Variants in KATNAL1 observed in about 807,000 individuals in gnomAD.
KATNAL1 encodes katanin catalytic subunit A1 like 1.
A neutral mutation model predicts 55.2 loss-of-function variants in KATNAL1; 32 were observed. That is an observed-to-expected ratio of 0.58 (90% confidence interval 0.44 to 0.78). KATNAL1 has a LOEUF of 0.78. KATNAL1 is among the 30% of genes least tolerant of loss of function. KATNAL1 has a pLI of 0.00. For synonymous variants in KATNAL1, 193 were observed against 193.6 expected (o/e 1.00, Z 0.02); for missense variants, 466 against 600.9 (o/e 0.78, Z 2.35).
intron 4 of KATNAL1, among the ~76,000 whole-genome samples, chr13:30,254,264 TG>T (rs1412829069): frequency 6.6e-6 from 1 of 152,228 alleles, no homozygotes; most frequent in Non-Finnish European, 1.5e-5. Flanking sequence ...TCCATTTATG[TG>T]GCTTTTGATA....
At chr13:30,291,095 G>T (rs1282302501) in intron 1 of KATNAL1, among the ~76,000 whole-genome samples, 1 of 152,136 alleles carries the variant, frequency 6.6e-6, no homozygotes, top group East Asian at 1.9e-4. Context: ...GTTCTAACCA[G>T]TGCAATAAGG....
chr13:30,284,848 C>T (rs1464924800), intron 1 of KATNAL1, among the ~76,000 whole-genome samples: 1 of 152,152 alleles, frequency 6.6e-6, no homozygotes, highest in Non-Finnish European at 1.5e-5. Flanking sequence ...TAGAATCATC[C>T]AAGGCTTCTA....
intron 4 of KATNAL1, among the ~76,000 whole-genome samples, chr13:30,250,931 G>T (rs1878236130): frequency 6.6e-6 from 1 of 152,174 alleles, no homozygotes; most frequent in African/African-American, 2.4e-5. Context: ...GAGGTCAGGA[G>T]ATCGAGACCA....
chr13:30,250,519 G>A (rs999912994), intron 4 of KATNAL1, among the ~76,000 whole-genome samples: 18 of 152,088 alleles, frequency 1.2e-4, no homozygotes, highest in African/African-American at 4.1e-4. Context: ...CTTTTCTTCA[G>A]TAGAAATATT....
chr13:30,215,438 G>C (rs1395260762), intron 9 of KATNAL1, among the ~76,000 whole-genome samples: 1 of 152,110 alleles, frequency 6.6e-6, no homozygotes, highest in Non-Finnish European at 1.5e-5. Context: ...TATACCCAAA[G>C]GACTATAAAT....
At chr13:30,216,891 T>C (rs1282398306) in intron 9 of KATNAL1, among the ~76,000 whole-genome samples, 1 of 152,190 alleles carries the variant, frequency 6.6e-6, no homozygotes, top group Admixed American at 6.5e-5. Flanking sequence ...TATGTGTAAA[T>C]CAAACGTTTC....
chr13:30,243,695 T>C (rs989573767), intron 4 of KATNAL1, among the ~76,000 whole-genome samples: 7 of 142,622 alleles, frequency 4.9e-5, no homozygotes, highest in African/African-American at 1.9e-4. Flanking sequence ...TTTCTAACAA[T>C]AGATTCTGTC....
At chr13:30,233,603 A>C (rs951872763) in intron 6 of KATNAL1, among the ~76,000 whole-genome samples, 2 of 151,198 alleles carry the variant, frequency 1.3e-5, no homozygotes, top group African/African-American at 4.9e-5. Flanking sequence ...ATATACAAAA[A>C]AAAAAAAAGA....
intron 3 of KATNAL1, among the ~76,000 whole-genome samples, chr13:30,267,649 AAAAT>A (rs1440399686): frequency 6.6e-6 from 1 of 152,266 alleles, no homozygotes; most frequent in Non-Finnish European, 1.5e-5. Context: ...AGTGACAACA[AAAAT>A]AAATAAGCTG....
In KATNAL1 at chr13:30,205,795, G is replaced by A. The variant is rs114243171; in HGVS notation, c.*2745C>T. 6.5e-3 allele frequency: 861 copies of A among 132,668 alleles called. 11 individuals are homozygous for A. Among genetic ancestry groups the A allele is most frequent in the African/African-American group, 0.026 (819 of 30,914 alleles). 8.2% of individuals were successfully genotyped at this position (132,668 alleles called of 1,614,324 possible). ...GTGTGTGTGTGTGTGTGTGTCTCAC[G>A]CCTATAAGGCAACACACTGTCTTCT... is the stretch of plus-strand genomic sequence containing the variant. On this transcript the variant is annotated 3_prime_UTR_variant, in exon 11 of 11. Coordinates refer to ENST00000380615, the MANE Select transcript of KATNAL1 (RefSeq NM_032116.5).
At chr13:30,218,073 C>A (rs1045637681) in intron 9 of KATNAL1, among the ~76,000 whole-genome samples, 4 of 151,822 alleles carry the variant, frequency 2.6e-5, no homozygotes, top group African/African-American at 9.7e-5. Flanking sequence ...CCACAGATAA[C>A]AACACAGAAG....
chr13:30,302,505 A>G (rs1882918785), intron 1 of KATNAL1, among the ~76,000 whole-genome samples: 2 of 152,204 alleles, frequency 1.3e-5, no homozygotes, highest in South Asian at 4.1e-4. Flanking sequence ...AATCACCAGG[A>G]AAAATGGAAA....
At chr13:30,268,482 G>C (rs1879956651) in intron 3 of KATNAL1, among the ~76,000 whole-genome samples, 1 of 152,104 alleles carries the variant, frequency 6.6e-6, no homozygotes, top group Admixed American at 6.5e-5. Flanking sequence ...AATTCACAGT[G>C]ACACTGTTTA....
At chr13:30,258,494 G>A (rs149087823) in intron 3 of KATNAL1, among the ~76,000 whole-genome samples, 174 of 152,120 alleles carry the variant, frequency 1.1e-3, no homozygotes, top group African/African-American at 3.8e-3. Flanking sequence ...ACATGTACAG[G>A]TGCAAGTCTG....
chr13:30,244,223 T>C (rs990840537), intron 4 of KATNAL1, among the ~76,000 whole-genome samples: 1 of 152,134 alleles, frequency 6.6e-6, no homozygotes, highest in East Asian at 1.9e-4. Context: ...GAATGATGGT[T>C]TCCAGCTTCA....
intron 3 of KATNAL1, among the ~76,000 whole-genome samples, chr13:30,272,036 G>A (rs995934378): frequency 1.3e-5 from 2 of 152,152 alleles, no homozygotes; most frequent in African/African-American, 4.8e-5. Context: ...AAGTGAGGAA[G>A]TTATTTGGTA....
At position 30,240,584 on chromosome 13, in the gene KATNAL1, C is replaced by T; in HGVS notation, c.621-19G>A. The T allele has an allele frequency of 6.5e-7, 1 of 1,530,776 alleles. No homozygotes were observed. The highest frequency in any genetic ancestry group is 9.0e-7 in the Non-Finnish European group (1 of 1,105,678). The allele number at this position is 1,530,776 out of a possible 1,614,324, so 94.8% of individuals were successfully genotyped here. A position where few individuals can be genotyped will look rare whatever the true frequency, so the allele number is the denominator to read the frequency against. ...GTCATCCCTTTGAAAGAACAGCAAACTTTCATAATGTTTACTCAGGGATCT... is the reference window on the plus strand; with the variant it reads ...GTCATCCCTTTGAAAGAACAGCAAATTTTCATAATGTTTACTCAGGGATCT... On this transcript the variant is annotated intron_variant, in intron 5 of 10. Transcript: ENST00000380615.
intron 6 of KATNAL1, among the ~76,000 whole-genome samples, chr13:30,231,791 C>A (rs989819174): frequency 6.6e-6 from 1 of 152,180 alleles, no homozygotes; most frequent in African/African-American, 2.4e-5. Flanking sequence ...ATATTCAGCA[C>A]TGCTTAAAAG....
chr13:30,205,750 C>CTCTGTGTGTGTGTG lies in KATNAL1; in HGVS notation c.*2789_*2790insCACACACACACAGA, dbSNP rs146509188. On this transcript the variant is annotated 3_prime_UTR_variant, in exon 11 of 11. Transcript: ENST00000380615. ...AACACACTGTCTTCTGCAATAAAGACTGTGTGTGTGTGTGTGTGTGTGTGT... is the reference window on the plus strand; with the variant it reads ...AACACACTGTCTTCTGCAATAAAGACTCTGTGTGTGTGTGTGTGTGTGTGTGTGTGTGTGTGTGT... 1.5e-5 allele frequency: 2 copies of CTCTGTGTGTGTGTG among 137,402 alleles called. No individual in the cohort carries two copies. Among genetic ancestry groups the CTCTGTGTGTGTGTG allele is most frequent in the African/African-American group, 5.6e-5 (2 of 35,838 alleles). The allele number at this position is 137,402 out of a possible 1,614,324, so 8.5% of individuals were successfully genotyped here.
Sources: allele counts gnomAD v4.1 joint callset (sites outside exome capture counted in the v4.1 genomes callset), GRCh38; gene constraint gnomAD v4.1.1; transcripts MANE v1.5; gene names NCBI Gene and HGNC (gene_info 2026-07-23, HGNC 2026-07-21).